The following GALNT17 variants were observed in gnomAD, a reference collection of about 807,000 sequenced individuals.
GALNT17 encodes the protein polypeptide N-acetylgalactosaminyltransferase 17.
Under a neutral mutation model 63.7 loss-of-function variants are expected in GALNT17, and 29 were observed. The ratio of observed to expected loss-of-function variants is 0.46; its 90% confidence interval spans 0.34 to 0.62. GALNT17 has a LOEUF of 0.62. GALNT17 is among the 20% of genes least tolerant of loss of function. The pLI is 0.01. For synonymous variants in GALNT17, 305 were observed against 318.3 expected (o/e 0.96, Z 0.45); for missense variants, 603 against 799.6 (o/e 0.75, Z 2.97).
At chr7:71,619,213 A>G (rs6967509) in intron 6 of GALNT17, among the ~76,000 whole-genome samples, 108,717 of 152,094 alleles carry the variant, frequency 0.71, 40,365 homozygotes, top group East Asian at 0.96. Context: ...TATAGTTTGA[A>G]GTCCAGTAGT....
At chr7:71,711,174 A>G (rs1791786626) in intron 10 of GALNT17, among the ~76,000 whole-genome samples, 1 of 152,084 alleles carries the variant, frequency 6.6e-6, no homozygotes, top group African/African-American at 2.4e-5. Context: ...ATCCTGAGAT[A>G]GGAGTGAGGG....
intron 5 of GALNT17, among the ~76,000 whole-genome samples, chr7:71,432,268 G>C (rs1786880547): frequency 6.6e-6 from 1 of 152,140 alleles, no homozygotes; most frequent in Non-Finnish European, 1.5e-5. Context: ...TGTATGGGTA[G>C]GGCTGATTTG....
intron 5 of GALNT17, among the ~76,000 whole-genome samples, chr7:71,425,113 C>T (rs1185158090): frequency 6.6e-6 from 1 of 152,148 alleles, no homozygotes; most frequent in Non-Finnish European, 1.5e-5. Flanking sequence ...TTAAAGAGGG[C>T]AAAGGCCGAT....
intron 6 of GALNT17, among the ~76,000 whole-genome samples, chr7:71,613,492 C>T (rs56232080): frequency 0.11 from 16,730 of 152,230 alleles, 1,076 homozygotes; most frequent in Non-Finnish European, 0.15. Context: ...ACTCTGCAGA[C>T]GTTTCAGCCA....
chr7:71,690,368 G>GAA (rs772531300), intron 9 of GALNT17, among the ~76,000 whole-genome samples: 2 of 132,366 alleles, frequency 1.5e-5, no homozygotes, highest in African/African-American at 2.8e-5. Flanking sequence ...CCACTTCTCA[G>GAA]AAAAAAAAAA....
intron 2 of GALNT17, among the ~76,000 whole-genome samples, chr7:71,366,049 T>C (rs1412842646): frequency 6.6e-6 from 1 of 152,066 alleles, no homozygotes; most frequent in African/African-American, 2.4e-5. Flanking sequence ...AGATCCCTCG[T>C]ATGCTCAGTT....
At chr7:71,249,006 G>A (rs1352708963) in intron 1 of GALNT17, among the ~76,000 whole-genome samples, 2 of 152,188 alleles carry the variant, frequency 1.3e-5, no homozygotes, top group African/African-American at 4.8e-5. Context: ...CTGGCATTTA[G>A]GAGAAATTCA....
chr7:71,181,253 TA>T (rs34436643), intron 1 of GALNT17, among the ~76,000 whole-genome samples: 358 of 134,778 alleles, frequency 2.7e-3, no homozygotes, highest in Admixed American at 3.6e-3. Flanking sequence ...AGACTCGTCT[TA>T]AAAAAAAAAA....
intron 5 of GALNT17, among the ~76,000 whole-genome samples, chr7:71,517,045 C>T (rs574379968): frequency 6.6e-6 from 1 of 152,256 alleles, no homozygotes; most frequent in South Asian, 2.1e-4. Flanking sequence ...CCAGGGGCTC[C>T]TTTACAGTAA....
intron 1 of GALNT17, among the ~76,000 whole-genome samples, chr7:71,269,506 C>G (rs1790548138): frequency 6.6e-6 from 1 of 152,092 alleles, no homozygotes. Flanking sequence ...CTGTCTTCTC[C>G]CCTCTTCTCT....
intron 1 of GALNT17, among the ~76,000 whole-genome samples, chr7:71,159,820 C>T (rs1788307838): frequency 1.3e-5 from 2 of 151,144 alleles, no homozygotes; most frequent in African/African-American, 2.5e-5. Context: ...CTCACTCTGT[C>T]ACCCAGTCTG....
intron 5 of GALNT17, among the ~76,000 whole-genome samples, chr7:71,544,161 G>A (rs1356637491): frequency 1.5e-5 from 2 of 137,550 alleles, no homozygotes; most frequent in African/African-American, 2.8e-5. Context: ...ATGGAGTCTC[G>A]CTCTGTTGCC....
At chr7:71,220,690 A>G (rs1789567025) in intron 1 of GALNT17, among the ~76,000 whole-genome samples, 1 of 152,094 alleles carries the variant, frequency 6.6e-6, no homozygotes, top group African/African-American at 2.4e-5. Flanking sequence ...TTAATCCAAT[A>G]TGCCTGGTGT....
intron 6 of GALNT17, among the ~76,000 whole-genome samples, chr7:71,625,969 G>A (rs993690154): frequency 2.6e-5 from 4 of 152,078 alleles, no homozygotes; most frequent in African/African-American, 9.7e-5. Flanking sequence ...ATTAGGGCTG[G>A]GTGCAGTGGC....
At chr7:71,533,767 A>T (rs778063195) in intron 5 of GALNT17, among the ~76,000 whole-genome samples, 8 of 152,168 alleles carry the variant, frequency 5.3e-5, no homozygotes, top group Non-Finnish European at 1.2e-4. Flanking sequence ...ATTGCCAGGG[A>T]AGACAGCTGT....
chr7:71,178,373 T>A (rs1788675979), intron 1 of GALNT17, among the ~76,000 whole-genome samples: 2 of 152,106 alleles, frequency 1.3e-5, no homozygotes, highest in African/African-American at 4.8e-5. Flanking sequence ...TAGAGGTAGT[T>A]TTCTTTCTAT....
chr7:71,610,229 A>G (rs1430448518), intron 6 of GALNT17, among the ~76,000 whole-genome samples: 1 of 152,176 alleles, frequency 6.6e-6, no homozygotes, highest in Non-Finnish European at 1.5e-5. Context: ...GGTGACTCAC[A>G]CCTGTAATCC....
intron 1 of GALNT17, among the ~76,000 whole-genome samples, chr7:71,314,086 C>T (rs1791458697): frequency 6.6e-6 from 1 of 151,794 alleles, no homozygotes; most frequent in Non-Finnish European, 1.5e-5. Flanking sequence ...GCGAATGTTA[C>T]CCTTCATTCT....
intron 1 of GALNT17, among the ~76,000 whole-genome samples, chr7:71,321,416 T>C (rs369945255): frequency 4.6e-5 from 7 of 152,190 alleles, no homozygotes; most frequent in Admixed American, 3.9e-4. Context: ...AGGGGGATAT[T>C]TGTGGCAATG....
Sources: allele counts gnomAD v4.1 joint callset (sites outside exome capture counted in the v4.1 genomes callset), GRCh38; gene constraint gnomAD v4.1.1; transcripts MANE v1.5; gene names NCBI Gene and HGNC (gene_info 2026-07-23, HGNC 2026-07-21).